The following COBL variants were observed in gnomAD, a reference collection of about 807,000 sequenced individuals.
The protein encoded by COBL is cordon-bleu WH2 repeat protein.
A neutral mutation model predicts 98.8 loss-of-function variants in COBL; 51 were observed. The ratio of observed to expected loss-of-function variants is 0.52; its 90% confidence interval spans 0.41 to 0.65. The LOEUF is 0.65. COBL is among the 30% of genes least tolerant of loss of function. The probability of loss-of-function intolerance (pLI) is 0.00; values close to 1 mark genes in which losing one functional copy is unlikely to be tolerated. For missense variants in COBL, 1,617 were observed against 1,617.5 expected, an observed-to-expected ratio of 1.00 and a Z score of 0.01; for synonymous variants, 634 against 651.7, an observed-to-expected ratio of 0.97 and a Z score of 0.41.
chr7:51,044,858 C>T (rs570301399), intron 7 of COBL, among the ~76,000 whole-genome samples: 42 of 152,264 alleles, frequency 2.8e-4, no homozygotes, highest in Non-Finnish European at 4.4e-4. Flanking sequence ...AAAAGAAAAT[C>T]CCATCAGGTG....
chr7:51,023,361 A>C (rs1236740295), intron 12 of COBL, among the ~76,000 whole-genome samples: 1 of 152,206 alleles, frequency 6.6e-6, no homozygotes, highest in Non-Finnish European at 1.5e-5. Context: ...ATCCCTTGCC[A>C]TCTGGGTAAG....
At chr7:51,055,853 G>A (rs1790697989) in intron 7 of COBL, among the ~76,000 whole-genome samples, 1 of 152,104 alleles carries the variant, frequency 6.6e-6, no homozygotes, top group African/African-American at 2.4e-5. Context: ...ATAGTTCAAA[G>A]ACAGCTGTCT....
At chr7:51,129,222 G>A (rs1393332531) in intron 6 of COBL, among the ~76,000 whole-genome samples, 3 of 152,062 alleles carry the variant, frequency 2.0e-5, no homozygotes, top group Non-Finnish European at 4.4e-5. Context: ...AGTTCTGGAG[G>A]CTGAAGTCCA....
chr7:51,234,528 C>T (rs1416925124), intron 1 of COBL, among the ~76,000 whole-genome samples: 2 of 152,054 alleles, frequency 1.3e-5, no homozygotes, highest in Non-Finnish European at 2.9e-5. Flanking sequence ...CAGAAAAACC[C>T]CCTCTCTACG....
At chr7:51,278,061 T>C (rs977380607) in intron 1 of COBL, among the ~76,000 whole-genome samples, 3 of 152,148 alleles carry the variant, frequency 2.0e-5, no homozygotes, top group Non-Finnish European at 4.4e-5. Context: ...TCAACTACAA[T>C]CATCTCTCTG....
chr7:51,020,424 C>T (rs918863024), intron 12 of COBL, among the ~76,000 whole-genome samples: 2 of 152,178 alleles, frequency 1.3e-5, no homozygotes, highest in African/African-American at 4.8e-5. Context: ...AAGCTTCTTT[C>T]GTCTATCACA....
At chr7:51,172,395 C>T (rs138955248) in intron 5 of COBL, 8 of 1,076,640 alleles carry the variant, frequency 7.4e-6, no homozygotes, top group Middle Eastern at 2.4e-4. Flanking sequence ...TCTGGAAGGT[C>T]GCGCAAAGCA....
chr7:51,136,951 G>A (rs1048473427), intron 5 of COBL, among the ~76,000 whole-genome samples: 33 of 152,106 alleles, frequency 2.2e-4, no homozygotes, highest in African/African-American at 8.0e-4. Flanking sequence ...TGCTCTCAAG[G>A]GACAATTTCT....
chr7:51,075,369 T>C (rs1041442567), intron 7 of COBL, among the ~76,000 whole-genome samples: 1 of 152,232 alleles, frequency 6.6e-6, no homozygotes, highest in Non-Finnish European at 1.5e-5. Flanking sequence ...AATGCGGTGC[T>C]GTGAAGAGAT....
chr7:51,062,012 C>T (rs569567341), intron 7 of COBL, among the ~76,000 whole-genome samples: 84 of 149,774 alleles, frequency 5.6e-4, no homozygotes, highest in Non-Finnish European at 8.5e-4. Flanking sequence ...TTCTGTATCT[C>T]TGGAGAAGCC....
rs1228636777 is a variant in COBL, at chr7:51,037,984, T to C, written c.1406+5399A>G. 2.0e-5 allele frequency among the ~76,000 whole-genome samples: 3 copies of C among 152,188 alleles called. No individual in the cohort carries two copies. The East Asian group carries it at 5.8e-4, about 29-fold the overall frequency. On this transcript the variant is annotated intron_variant, in intron 8 of 12. Coordinates refer to ENST00000265136, the MANE Select transcript of COBL (RefSeq NM_015198.5). ...CTCCTGCCTCAGCCTCCCTAGTAGC[T>C]GGGATTACAGGCGCCCAACAGCACG...
intron 7 of COBL, among the ~76,000 whole-genome samples, chr7:51,051,019 A>G (rs1419027157): frequency 6.6e-6 from 1 of 151,972 alleles, no homozygotes; most frequent in Non-Finnish European, 1.5e-5. Context: ...CCTTTCCTAG[A>G]TTTATTTTCC....
intron 1 of COBL, among the ~76,000 whole-genome samples, chr7:51,273,009 TAA>T (rs1798918028): frequency 6.6e-6 from 1 of 152,022 alleles, no homozygotes. Context: ...TCTTAAGGAA[TAA>T]AAGTCAAATA....
In COBL at chr7:51,191,063, C is replaced by T; in HGVS notation, c.472G>A (p.Val158Ile). 6.2e-7 allele frequency: 1 copy of T among 1,613,988 alleles called. No individual in the cohort carries two copies. The highest frequency in any genetic ancestry group is 1.6e-4 in the Middle Eastern group (1 of 6,062). ...TTTTGTGTCCGCAGGTAATTCACGACCAAACGCACAGATTTCTGGAAGAAC... is the reference window on the plus strand; with the variant it reads ...TTTTGTGTCCGCAGGTAATTCACGATCAAACGCACAGATTTCTGGAAGAAC... The part of the protein sequence containing the change: ...PKVPEKSVRL[V>I]VNYLRTQKAV... The change falls in exon 4 of 13, where the codon GTC (valine) becomes ATC (isoleucine). Residue 158 changes from valine to isoleucine, a missense_variant. This residue lies in a region of COBL where 238 missense variants were observed against 215.0 expected (regional missense o/e 1.11). Coordinates refer to ENST00000265136, the MANE Select transcript of COBL (RefSeq NM_015198.5).
intron 1 of COBL, among the ~76,000 whole-genome samples, chr7:51,265,751 C>T (rs936441782): frequency 1.3e-5 from 2 of 152,190 alleles, no homozygotes; most frequent in African/African-American, 4.8e-5. Flanking sequence ...CCTCCCTGCC[C>T]CGGCTCTCAG....
chr7:51,228,040 T>C (rs1291274631), intron 1 of COBL, among the ~76,000 whole-genome samples: 2 of 152,100 alleles, frequency 1.3e-5, no homozygotes, highest in East Asian at 1.9e-4. Context: ...AACGCCACAT[T>C]TCAGGGCACA....
intron 5 of COBL, among the ~76,000 whole-genome samples, chr7:51,155,141 G>A (rs1396252255): frequency 6.6e-6 from 1 of 152,192 alleles, no homozygotes; most frequent in African/African-American, 2.4e-5. Flanking sequence ...GAGGTCAGAA[G>A]ATAACCTCTG....
intron 1 of COBL, among the ~76,000 whole-genome samples, chr7:51,279,347 A>G (rs1356356807): frequency 6.6e-6 from 1 of 152,264 alleles, no homozygotes; most frequent in East Asian, 1.9e-4. Flanking sequence ...CGTGCATTAT[A>G]CTTTCTTTAA....
chr7:51,115,080 T>A (rs1280512054), intron 6 of COBL, among the ~76,000 whole-genome samples: 2 of 152,210 alleles, frequency 1.3e-5, no homozygotes, highest in African/African-American at 4.8e-5. Flanking sequence ...GTTTTCAAAA[T>A]TTTTGGTAAA....
Sources: gnomAD v4.1 joint callset for allele counts (sites outside exome capture counted in the v4.1 genomes callset) on GRCh38, gnomAD v4.1.1 for gene constraint, gnomAD v4.1.1 regional missense constraint, MANE v1.5 for transcripts, NCBI Gene and HGNC (gene_info 2026-07-23, HGNC 2026-07-21) for gene names.